The following KCNIP4 variants were observed in gnomAD, a reference collection of about 807,000 sequenced individuals.
KCNIP4 encodes Kv channel-interacting protein 4.
KCNIP4 carries 12 observed loss-of-function variants against 34.0 expected under a neutral mutation model. That is an observed-to-expected ratio of 0.35 (90% confidence interval 0.23 to 0.57). The LOEUF (loss-of-function observed/expected upper bound fraction) is 0.57, where lower values mean the gene tolerates loss of function less well. KCNIP4 is among the 20% of genes least tolerant of loss of function. The pLI, the probability that KCNIP4 is intolerant of heterozygous loss-of-function variation, is 0.83. For synonymous variants in KCNIP4, 124 were observed against 102.2 expected (o/e 1.21, Z -1.29); for missense variants, 238 against 311.7 (o/e 0.76, Z 1.78).
At chr4:20,914,545 T>C (rs1454070951) in intron 1 of KCNIP4, among the ~76,000 whole-genome samples, 3 of 151,194 alleles carry the variant, frequency 2.0e-5, no homozygotes, top group Non-Finnish European at 4.4e-5. Context: ...TATAAGCCAC[T>C]CAGTTTATGA....
chr4:20,739,295 C>G (rs1750478573), intron 5 of KCNIP4, among the ~76,000 whole-genome samples: 2 of 152,222 alleles, frequency 1.3e-5, no homozygotes, highest in Non-Finnish European at 2.9e-5. Context: ...AAGTGGGTCC[C>G]TGACCCCCGA....
intron 1 of KCNIP4, among the ~76,000 whole-genome samples, chr4:21,405,300 G>A (rs57585443): frequency 6.6e-6 from 1 of 151,990 alleles, no homozygotes; most frequent in East Asian, 1.9e-4. Context: ...TCATTGCTTT[G>A]GTAGCTATAC....
chr4:20,897,030 C>T (rs996992730), intron 1 of KCNIP4, among the ~76,000 whole-genome samples: 10 of 151,970 alleles, frequency 6.6e-5, no homozygotes, highest in Non-Finnish European at 1.3e-4. Flanking sequence ...GTGAAATTGG[C>T]ATGTTCTAGA....
At chr4:21,942,011 A>T (rs547328355) in intron 1 of KCNIP4, among the ~76,000 whole-genome samples, 16 of 152,324 alleles carry the variant, frequency 1.1e-4, no homozygotes, top group South Asian at 1.0e-3. Context: ...AAGAGGAGAT[A>T]CAGCCACAGC....
At chr4:21,252,016 A>G (rs996076869) in intron 1 of KCNIP4, among the ~76,000 whole-genome samples, 3 of 151,920 alleles carry the variant, frequency 2.0e-5, no homozygotes, top group Non-Finnish European at 4.4e-5. Context: ...TATAATAATA[A>G]TAATAATAAA....
rs574472782 is a variant in KCNIP4, at chr4:21,394,540, T to C, written c.62-511831A>G. On this transcript the variant is annotated intron_variant, in intron 1 of 8. Transcript: ENST00000382152. ...CCAGTATAAATATGCTGTCTTATCC[T>C]GCAATGTTGCTAACCTGGGAATGTA... Among the ~76,000 whole-genome samples the C allele has an allele frequency of 3.3e-5, 5 of 152,332 alleles. No individual in the cohort carries two copies. The East Asian group carries it at 9.7e-4, about 29-fold the overall frequency.
intron 3 of KCNIP4, among the ~76,000 whole-genome samples, chr4:20,820,520 A>G (rs969123443): frequency 2.6e-5 from 4 of 152,242 alleles, no homozygotes; most frequent in Admixed American, 1.3e-4. Flanking sequence ...GAAAATTCCC[A>G]GCCTGGCCAG....
chr4:21,242,035 G>A (rs968278041), intron 1 of KCNIP4, among the ~76,000 whole-genome samples: 2 of 151,814 alleles, frequency 1.3e-5, no homozygotes, highest in African/African-American at 4.8e-5. Flanking sequence ...GTGGTGGTGG[G>A]TGCCTGCAGT....
At chr4:21,791,188 G>A (rs9999185) in intron 1 of KCNIP4, among the ~76,000 whole-genome samples, 16,030 of 152,002 alleles carry the variant, frequency 0.11, 2,887 homozygotes, top group African/African-American at 0.37. Flanking sequence ...TCTCTTTGGG[G>A]CTGCAGCTGC....
chr4:21,729,900 C>T (rs1310841748), intron 1 of KCNIP4: 1 of 152,086 alleles, frequency 6.6e-6, no homozygotes, highest in Non-Finnish European at 1.5e-5. Flanking sequence ...AATCATAAAT[C>T]AGATATGATG....
chr4:21,603,598 G>C (rs1743389908), intron 1 of KCNIP4, among the ~76,000 whole-genome samples: 1 of 152,060 alleles, frequency 6.6e-6, no homozygotes, highest in Non-Finnish European at 1.5e-5. Flanking sequence ...TGCCGGCTAA[G>C]CTAAAATCAC....
chr4:21,263,968 CGTGT>C (rs375296925), intron 1 of KCNIP4, among the ~76,000 whole-genome samples: 44 of 148,294 alleles, frequency 3.0e-4, no homozygotes, highest in South Asian at 8.6e-4. Flanking sequence ...TATATATATA[CGTGT>C]GTGTGTGTGT....
rs114261632 is a variant in KCNIP4 at position 21,154,838 on chromosome 4, A to T, written c.62-272129T>A. 1.8e-3 allele frequency among the ~76,000 whole-genome samples: 275 copies of T among 152,286 alleles called. 2 individuals carry two copies. Among genetic ancestry groups the T allele is most frequent in the African/African-American group, 6.2e-3 (256 of 41,570 alleles). ...TCTTTCTGCTACCTGGAATGTAAGC[A>T]TAATGGCTGGAGCTCCAACAGCTGT... On this transcript the variant is annotated intron_variant, in intron 1 of 8. Transcript: ENST00000382152.
chr4:20,905,782 A>G (rs1285000860), intron 1 of KCNIP4, among the ~76,000 whole-genome samples: 1 of 151,960 alleles, frequency 6.6e-6, no homozygotes. Flanking sequence ...GGCCTCCCAA[A>G]GAGCTGGGAT....
intron 1 of KCNIP4, among the ~76,000 whole-genome samples, chr4:21,252,134 T>G (rs13135100): frequency 3.0e-4 from 31 of 103,946 alleles, no homozygotes; most frequent in Middle Eastern, 5.4e-3. Flanking sequence ...GTTTTGTTTT[T>G]TTTTTTTTTT....
At chr4:21,914,960 T>A (rs985795052) in intron 1 of KCNIP4, among the ~76,000 whole-genome samples, 3 of 152,082 alleles carry the variant, frequency 2.0e-5, no homozygotes, top group Non-Finnish European at 4.4e-5. Context: ...GTTCTTTTTT[T>A]TGGAGACACA....
chr4:21,309,964 T>C (rs886531448), intron 1 of KCNIP4, among the ~76,000 whole-genome samples: 2 of 152,002 alleles, frequency 1.3e-5, no homozygotes, highest in Admixed American at 6.6e-5. Flanking sequence ...TAGGTGGTAT[T>C]TTTCTTTTCA....
chr4:20,744,895 T>G (rs1037280245), intron 5 of KCNIP4, among the ~76,000 whole-genome samples: 5 of 152,152 alleles, frequency 3.3e-5, no homozygotes, highest in Non-Finnish European at 7.4e-5. Flanking sequence ...TCTGTGGAAG[T>G]TCACTTCATC....
At chr4:20,937,485 C>T (rs150511005) in intron 1 of KCNIP4, among the ~76,000 whole-genome samples, 2 of 150,750 alleles carry the variant, frequency 1.3e-5, no homozygotes, top group African/African-American at 2.4e-5. Context: ...CCACCCGCCT[C>T]GGCCTCCTAA....
Sources: allele counts gnomAD v4.1 joint callset (sites outside exome capture counted in the v4.1 genomes callset), GRCh38; gene constraint gnomAD v4.1.1; transcripts MANE v1.5; gene names NCBI Gene and HGNC (gene_info 2026-07-23, HGNC 2026-07-21).